The following PDLIM3 variants were observed in gnomAD, a reference collection of about 807,000 sequenced individuals.
PDLIM3 encodes the protein PDZ and LIM domain 3.
In PDLIM3, 36 loss-of-function variants were observed where a neutral mutation model predicts 37.3. The ratio of observed to expected loss-of-function variants is 0.97; its 90% confidence interval spans 0.74 to 1.28. PDLIM3 has a LOEUF of 1.28. PDLIM3 is among the 50% of genes most tolerant of loss of function. The pLI, the probability that PDLIM3 is intolerant of heterozygous loss-of-function variation, is 0.00. For missense variants in PDLIM3, 454 were observed against 485.0 expected, an observed-to-expected ratio of 0.94 and a Z score of 0.60; for synonymous variants, 174 against 182.4, an observed-to-expected ratio of 0.95 and a Z score of 0.37.
chr4:185,509,730 C>T (rs542780237), intron 4 of PDLIM3, among the ~76,000 whole-genome samples: 3 of 152,214 alleles, frequency 2.0e-5, no homozygotes, highest in South Asian at 2.1e-4. Flanking sequence ...GTGTGTTTAC[C>T]GCTAAGTCAA....
intron 4 of PDLIM3, among the ~76,000 whole-genome samples, chr4:185,510,040 T>C (rs530020453): frequency 6.6e-6 from 1 of 152,310 alleles, no homozygotes; most frequent in East Asian, 1.9e-4. Flanking sequence ...ACCCAATCTG[T>C]ACATTGTTTA....
Position 185,502,061 on chromosome 4 carries a change from T to C in PDLIM3, c.*233A>G, listed in dbSNP as rs1282400076. 13 of 570,730 alleles carry C rather than the reference T, an allele frequency of 2.3e-5. No homozygotes were observed. The allele number at this position is 570,730 out of a possible 1,614,324, so 35.4% of individuals were successfully genotyped here. ...AAAAAATTATTGCTTTAAATATCAT[T>C]ATTGCTAGCCCCAAAAAGAGTTGCA... On this transcript the variant is annotated 3_prime_UTR_variant, in exon 8 of 8. Transcript: ENST00000284767.
chr4:185,525,161 C>T lies in PDLIM3; in HGVS notation c.104G>A (p.Gly35Glu). Residue 35 changes from glycine to glutamate, a missense_variant, in exon 2 of 8, where the codon GGA (glycine) becomes GAA (glutamate). Transcript: ENST00000284767. ...CAGGTTGGCAGCTGCCGCCTTGCTTCCTGGTGTAATCTGGAAGAAATCATG... is the reference window on the plus strand; with the variant it reads ...CAGGTTGGCAGCTGCCGCCTTGCTTTCTGGTGTAATCTGGAAGAAATCATG... ...QPLVITRITP[G>E]SKAAAANLCP... 1 of 1,614,158 alleles carries T rather than the reference C, an allele frequency of 6.2e-7. No homozygotes were observed. The highest frequency in any genetic ancestry group is 8.5e-7 in the Non-Finnish European group (1 of 1,180,012).
Position 185,514,993 on chromosome 4 carries a change from A to G in PDLIM3, c.331-656T>C, listed in dbSNP as rs1279365999. 5.6e-5 allele frequency: 49 copies of G among 875,700 alleles called. No homozygotes were observed. The East Asian group carries it at 9.5e-4, about 17-fold the overall frequency. The allele number at this position is 875,700 out of a possible 1,614,324, so 54.2% of individuals were successfully genotyped here. On this transcript the variant is annotated intron_variant, in intron 3 of 7. Transcript: ENST00000284767. This position sits in a 1 kb window ranked among gnomAD's most constrained non-coding sequence, Gnocchi z 4.0. ...ACTGTTAATAAAGGCATCTTTACCCACGACGAGATTGACGGAAAGATTAGA... is the reference window on the plus strand; with the variant it reads ...ACTGTTAATAAAGGCATCTTTACCCGCGACGAGATTGACGGAAAGATTAGA...
chr4:185,514,992 C>G lies in PDLIM3; in HGVS notation c.331-655G>C, dbSNP rs1484542216. 7.8e-6 allele frequency: 7 copies of G among 894,528 alleles called. No homozygotes were observed. Among genetic ancestry groups the G allele is most frequent in the Non-Finnish European group, 1.1e-5 (7 of 609,648 alleles). 55.4% of individuals were successfully genotyped at this position (894,528 alleles called of 1,614,324 possible). A position where few individuals can be genotyped will look rare whatever the true frequency, so the allele number is the denominator to read the frequency against. On this transcript the variant is annotated intron_variant, in intron 3 of 7. Transcript: ENST00000284767. This position sits in a 1 kb window ranked among gnomAD's most constrained non-coding sequence, Gnocchi z 4.0. ...TACTGTTAATAAAGGCATCTTTACC[C>G]ACGACGAGATTGACGGAAAGATTAG...
At chr4:185,529,778 T>C (rs1561205020) in intron 1 of PDLIM3, among the ~76,000 whole-genome samples, 2 of 152,228 alleles carry the variant, frequency 1.3e-5, no homozygotes, top group Non-Finnish European at 2.9e-5. Context: ...AACATAGTTA[T>C]CTCTTTTTTA....
chr4:185,506,405 C>T (rs1175552034), intron 6 of PDLIM3, 117 bp downstream of exon 6: 4 of 1,366,302 alleles, frequency 2.9e-6, no homozygotes, highest in Non-Finnish European at 4.1e-6. Flanking sequence ...ATTCATTTGG[C>T]TCCCAATGAA....
chr4:185,515,093 A>G (rs563386542), intron 3 of PDLIM3: 12 of 418,010 alleles, frequency 2.9e-5, no homozygotes, highest in African/African-American at 2.2e-4. Flanking sequence ...TCAAATGTTA[A>G]GGTGAAAAGG....
At chr4:185,534,543 GA>G (rs1272293383) in intron 1 of PDLIM3, among the ~76,000 whole-genome samples, 1 of 152,182 alleles carries the variant, frequency 6.6e-6, no homozygotes, top group African/African-American at 2.4e-5. Flanking sequence ...GAGAAACCCT[GA>G]GGTTTTATTT....
At chr4:185,515,080 C>T (rs2095712942) in intron 3 of PDLIM3, 3 of 437,022 alleles carry the variant, frequency 6.9e-6, no homozygotes, top group East Asian at 3.5e-5. Flanking sequence ...CTATATTCAC[C>T]GATCAAATGT....
chr4:185,523,568 A>ATTTT (rs10641473), intron 2 of PDLIM3, 122 bp from the exon 3 acceptor site: 795 of 493,830 alleles, frequency 1.6e-3, no homozygotes, highest in African/African-American at 5.8e-3. Context: ...TGCAAAAACA[A>ATTTT]TTTTTTTTTT....
At position 185,502,059 on chromosome 4, in the gene PDLIM3, A is replaced by G. The variant is rs1352749591; in HGVS notation, c.*235T>C. The G allele has an allele frequency of 1.8e-6, 1 of 567,518 alleles. No homozygotes were observed. The highest frequency in any genetic ancestry group is 3.2e-6 in the Non-Finnish European group (1 of 316,544). The allele number at this position is 567,518 out of a possible 1,614,324, so 35.2% of individuals were successfully genotyped here. A position where few individuals can be genotyped will look rare whatever the true frequency, so the allele number is the denominator to read the frequency against. On this transcript the variant is annotated 3_prime_UTR_variant, in exon 8 of 8. Transcript: ENST00000284767. ...ACAAAAAATTATTGCTTTAAATATC[A>G]TTATTGCTAGCCCCAAAAAGAGTTG...
At chr4:185,522,984 G>T (rs986080032) in intron 3 of PDLIM3, among the ~76,000 whole-genome samples, 6 of 152,238 alleles carry the variant, frequency 3.9e-5, no homozygotes, top group Non-Finnish European at 7.3e-5. Context: ...GTAGATTGGA[G>T]ACACCTGTTT....
chr4:185,514,438 C>G lies in PDLIM3; in HGVS notation c.331-101G>C. 6.2e-7 allele frequency: 1 copy of G among 1,607,734 alleles called. No individual in the cohort carries two copies. The highest frequency in any genetic ancestry group is 1.1e-5 in the South Asian group (1 of 90,186). On this transcript the variant is annotated intron_variant, in intron 3 of 7. Transcript: ENST00000284767. The surrounding 1 kb of genome is among the most constrained non-coding windows in gnomAD (Gnocchi z 4.0). The stretch of plus-strand genomic sequence containing the variant: ...TTGTACAGGGAGGATCATTTACCAC[C>G]AACTACTGTCATAACTAAGAAAGGC...
At chr4:185,513,592 C>T in intron 4 of PDLIM3, 1 of 986,180 alleles carries the variant, frequency 1.0e-6, no homozygotes, top group Non-Finnish European at 1.2e-6. Flanking sequence ...CATCAGTTTG[C>T]AACAGCTGCG....
chr4:185,531,347 A>G (rs2095744159), intron 1 of PDLIM3, among the ~76,000 whole-genome samples: 1 of 152,214 alleles, frequency 6.6e-6, no homozygotes. Context: ...TATATTGCAC[A>G]AGGTCTATCA....
chr4:185,535,463 A>G lies in PDLIM3; in HGVS notation c.-29T>C, dbSNP rs4862545. On this transcript the variant is annotated 5_prime_UTR_variant, in exon 1 of 8. Coordinates refer to ENST00000284767, the MANE Select transcript of PDLIM3 (RefSeq NM_014476.6). ...GCCTTCCTCCCGCCCACCGGGCTCT[A>G]AGTGTCCCCGCGCAGGGCAGCCACT... 0.99 allele frequency: 1,545,154 copies of G among 1,558,958 alleles called. 766,736 individuals are homozygous for G. The highest frequency in any genetic ancestry group is 1 in the East Asian group (41,088 of 41,092).
At chr4:185,503,261 CA>C (rs985095324) in intron 7 of PDLIM3, among the ~76,000 whole-genome samples, 7 of 152,068 alleles carry the variant, frequency 4.6e-5, no homozygotes, top group African/African-American at 1.7e-4. Context: ...CAAAACAAAA[CA>C]AAAAACCAGA....
At chr4:185,505,048 T>C (rs74829782) in intron 6 of PDLIM3, among the ~76,000 whole-genome samples, 4,890 of 152,298 alleles carry the variant, frequency 0.032, 264 homozygotes, top group African/African-American at 0.11. Flanking sequence ...CTCCTGCTCA[T>C]AGCCCCTGGT....
Sources: allele counts gnomAD v4.1 joint callset (sites outside exome capture counted in the v4.1 genomes callset), GRCh38; gene constraint gnomAD v4.1.1; non-coding constraint Gnocchi (gnomAD v3.1); transcripts MANE v1.5; gene names NCBI Gene and HGNC (gene_info 2026-07-23, HGNC 2026-07-21).